The following CFAP47 variants were observed in gnomAD, a reference collection of about 807,000 sequenced individuals.
CFAP47 encodes cilia- and flagella-associated protein 47.
CFAP47 carries 29 observed loss-of-function variants against 148.1 expected under a neutral mutation model. That is an observed-to-expected ratio of 0.20 (90% CI 0.15 to 0.27). The LOEUF (loss-of-function observed/expected upper bound fraction) is 0.27, where lower values mean the gene tolerates loss of function less well. CFAP47 is among the 10% of genes least tolerant of loss of function. The probability of loss-of-function intolerance (pLI) is 1.00; values close to 1 mark genes in which losing one functional copy is unlikely to be tolerated. For missense variants in CFAP47, 1,872 were observed against 1,697.5 expected, an observed-to-expected ratio of 1.10 and a Z score of -1.81; for synonymous variants, 664 against 577.3, an observed-to-expected ratio of 1.15 and a Z score of -2.15.
chrX:36,102,858 G>T lies in CFAP47; in HGVS notation c.5128-1641G>T, dbSNP rs191825942. Among the ~76,000 whole-genome samples, 125 of 112,044 alleles carry T rather than the reference G, an allele frequency of 1.1e-3. 1 individual carries two copies. Among genetic ancestry groups the T allele is most frequent in the Admixed American group, 4.0e-3 (42 of 10,553 alleles). ...AGACCACAAAACTGCCAGAATGAAA[G>T]AAGGCAGTTCCATTAAACATCTATA... On this transcript the variant is annotated intron_variant, in intron 32 of 63. Coordinates refer to ENST00000378653, the MANE Select transcript of CFAP47 (RefSeq NM_001304548.2).
intron 63 of CFAP47, among the ~76,000 whole-genome samples, chrX:36,381,689 C>G (rs1446820027): frequency 9.0e-6 from 1 of 110,693 alleles, no homozygotes; most frequent in Admixed American, 9.8e-5. Context: ...CGGTGCCACT[C>G]AAAGAGAGTA....
chrX:36,191,210 C>T (rs1261894706), intron 42 of CFAP47, among the ~76,000 whole-genome samples: 4 of 111,250 alleles, frequency 3.6e-5, no homozygotes, highest in Admixed American at 1.9e-4. Flanking sequence ...AATGTAATAA[C>T]TATATTGTGA....
chrX:35,950,922 A>G (rs1390503715), intron 4 of CFAP47, among the ~76,000 whole-genome samples: 2 of 111,675 alleles, frequency 1.8e-5, no homozygotes, highest in Admixed American at 9.5e-5. Flanking sequence ...TAGGCTGCAC[A>G]TATGCCATTC....
chrX:36,061,875 C>A (rs1057347490), intron 26 of CFAP47, among the ~76,000 whole-genome samples: 39 of 111,873 alleles, frequency 3.5e-4, no homozygotes, highest in African/African-American at 1.2e-3. Flanking sequence ...AAACACCAAC[C>A]CAGCATCTTT....
intron 36 of CFAP47, 28 bp downstream of exon 36, chrX:36,145,381 G>T (rs1939218904): frequency 3.4e-6 from 1 of 295,076 alleles, no homozygotes; most frequent in Non-Finnish European, 5.9e-6. Flanking sequence ...GTCAAAATGT[G>T]TAAGGAGTTA....
At chrX:36,223,213 T>G (rs1386986464) in intron 45 of CFAP47, among the ~76,000 whole-genome samples, 2 of 111,050 alleles carry the variant, frequency 1.8e-5, no homozygotes, top group African/African-American at 3.3e-5. Context: ...ATTAAACTTT[T>G]TTTTTAGTTA....
In CFAP47 at chrX:35,981,752, A is replaced by C. The variant is rs760247152; in HGVS notation, c.2713+5839A>C. 5.4e-5 allele frequency among the ~76,000 whole-genome samples: 6 copies of C among 111,579 alleles called. No homozygotes were observed. In the South Asian group the frequency reaches 2.2e-3, roughly 42 times the overall value. On this transcript the variant is annotated intron_variant, in intron 15 of 63. Coordinates refer to ENST00000378653, the MANE Select transcript of CFAP47 (RefSeq NM_001304548.2). ...CATGTGTATTCTATGTTTAGCTCCT[A>C]GTTATAAATGAGAACATGTAGTATT...
intron 25 of CFAP47, among the ~76,000 whole-genome samples, chrX:36,042,697 G>A (rs899481101): frequency 9.0e-6 from 1 of 111,182 alleles, no homozygotes; most frequent in Non-Finnish European, 1.9e-5. Context: ...TAAATACACC[G>A]ATATTCATGG....
Position 36,099,754 on chromosome X carries a change from TC to T in CFAP47, c.5004del (p.Thr1669LeufsTer6). The T allele has an allele frequency of 1.2e-6, 1 of 824,183 alleles. No individual in the cohort carries two copies. The highest frequency in any genetic ancestry group is 1.8e-6 in the Non-Finnish European group (1 of 557,590). The allele number at this position is 824,183 out of a possible 1,213,427, so 67.9% of individuals were successfully genotyped here. A position where few individuals can be genotyped will look rare whatever the true frequency, so the allele number is the denominator to read the frequency against. ...TGTACTATTTTATTTCTTAAAGTCT[TC>T]CACTAATACGATGCCTGTGAGTTCC... Reference protein sequence around the residue: ...DYKRWIEIMSSTNTMPVSSCT... With the variant: ...DYKRWIEIMSXTNTMPVSSCT... On this transcript the variant is annotated frameshift_variant, in exon 32 of 64. Transcript: ENST00000378653. LOFTEE classifies it high-confidence loss of function.
chrX:36,122,638 T>C (rs891190227), intron 33 of CFAP47, among the ~76,000 whole-genome samples: 1 of 112,009 alleles, frequency 8.9e-6, no homozygotes, highest in African/African-American at 3.2e-5. Flanking sequence ...TCCAGAATTC[T>C]ACTTGATTCT....
intron 62 of CFAP47, among the ~76,000 whole-genome samples, chrX:36,378,258 G>T (rs1277005363): frequency 2.7e-5 from 3 of 112,051 alleles, no homozygotes; most frequent in African/African-American, 9.7e-5. Flanking sequence ...ATAGTCACTT[G>T]AATCTTAAAT....
intron 33 of CFAP47, among the ~76,000 whole-genome samples, chrX:36,106,070 T>C (rs1159787186): frequency 8.9e-6 from 1 of 112,369 alleles, no homozygotes; most frequent in African/African-American, 3.2e-5. Context: ...TTCGAGTCAT[T>C]GATTAAATGT....
intron 62 of CFAP47, among the ~76,000 whole-genome samples, chrX:36,379,135 T>C (rs1265068379): frequency 9.9e-6 from 1 of 100,547 alleles, no homozygotes; most frequent in African/African-American, 4.4e-5. Context: ...TAAGATGTGA[T>C]TTTAAGAATC....
At chrX:36,229,772 C>G (rs1555992115) in intron 46 of CFAP47, among the ~76,000 whole-genome samples, 1 of 85,345 alleles carries the variant, frequency 1.2e-5, no homozygotes, top group African/African-American at 4.3e-5. Context: ...CCCCCCACCC[C>G]ACAACAGTCC....
intron 57 of CFAP47, among the ~76,000 whole-genome samples, chrX:36,328,640 C>T (rs1446498963): frequency 3.8e-5 from 4 of 106,643 alleles, no homozygotes; most frequent in African/African-American, 1.4e-4. Flanking sequence ...GAAACCCCGT[C>T]TCTACTAAAA....
Position 36,321,701 on chromosome X carries a change from A to C in CFAP47, c.8443+2394A>C, listed in dbSNP as rs1556012023. Among the ~76,000 whole-genome samples, 3 of 111,787 alleles carry C rather than the reference A, an allele frequency of 2.7e-5. No individual in the cohort carries two copies. The Admixed American group carries it at 2.9e-4, about 11-fold the overall frequency. Reference sequence around the variant, plus strand: ...AAAAATTGAAACAAAGATATATTCAAAGTATGGTTAATGTATGAATAAATA... The same window carrying C: ...AAAAATTGAAACAAAGATATATTCACAGTATGGTTAATGTATGAATAAATA... On this transcript the variant is annotated intron_variant, in intron 57 of 63. Coordinates refer to ENST00000378653, the MANE Select transcript of CFAP47 (RefSeq NM_001304548.2).
chrX:36,380,683 T>G (rs937000286), intron 63 of CFAP47, among the ~76,000 whole-genome samples: 3 of 112,272 alleles, frequency 2.7e-5, no homozygotes, highest in African/African-American at 6.5e-5. Context: ...GACCTCATGA[T>G]CCACCCGCCT....
At chrX:36,242,897 T>C (rs1310064260) in intron 48 of CFAP47, among the ~76,000 whole-genome samples, 1 of 111,110 alleles carries the variant, frequency 9.0e-6, no homozygotes, top group African/African-American at 3.3e-5. Flanking sequence ...CCAAGGTCAA[T>C]GTGAAAGAAA....
intron 8 of CFAP47, among the ~76,000 whole-genome samples, chrX:35,960,445 G>A (rs971376678): frequency 1.1e-5 from 1 of 87,563 alleles, no homozygotes; most frequent in African/African-American, 4.6e-5. Flanking sequence ...TGTTGAATTT[G>A]TAAGTCTATT....
Sources: allele counts gnomAD v4.1 joint callset (sites outside exome capture counted in the v4.1 genomes callset), GRCh38; gene constraint gnomAD v4.1.1; transcripts MANE v1.5; gene names NCBI Gene and HGNC (gene_info 2026-07-23, HGNC 2026-07-21).